The following TTC7A variants were observed in gnomAD, a reference collection of about 807,000 sequenced individuals.
TTC7A encodes tetratricopeptide repeat domain 7A, also known as tetratricopeptide repeat protein 7A.
In TTC7A, 110 loss-of-function variants were observed where a neutral mutation model predicts 103.7. The observed-to-expected ratio is 1.06, with a 90% CI of 0.91 to 1.24. TTC7A has a LOEUF of 1.24. Ranked by LOEUF, TTC7A falls within the 50% of genes most tolerant of loss-of-function variation. TTC7A has a pLI of 0.00. For synonymous variants in TTC7A, 521 were observed against 467.9 expected, an observed-to-expected ratio of 1.11 and a Z score of -1.47; for missense variants, 1,340 against 1,116.3, an observed-to-expected ratio of 1.20 and a Z score of -2.86.
rs1677488297 is a variant in TTC7A at position 47,007,032 on chromosome 2, G to A, written c.1287+308G>A. 6.6e-6 allele frequency among the ~76,000 whole-genome samples: 1 copy of A among 152,176 alleles called. No homozygotes were observed. The highest frequency in any genetic ancestry group is 2.4e-5 in the African/African-American group (1 of 41,436). On this transcript the variant is annotated intron_variant, in intron 10 of 19. Coordinates refer to ENST00000319190, the MANE Select transcript of TTC7A (RefSeq NM_020458.4). This position sits in a 1 kb window ranked among gnomAD's most constrained non-coding sequence, Gnocchi z 4.9. The stretch of plus-strand genomic sequence containing the variant: ...GCTAATAATGTGACTGCATGTGGTG[G>A]ATATGAGGTGCATCCAGGTGAGTGA...
In TTC7A at chr2:47,004,886, C is replaced by T. The variant is rs551873284; in HGVS notation, c.1066-1036C>T. Among the ~76,000 whole-genome samples, 6 of 152,110 alleles carry T rather than the reference C, an allele frequency of 3.9e-5. 1 individual carries two copies. Among genetic ancestry groups the T allele is most frequent in the African/African-American group, 1.4e-4 (6 of 41,490 alleles). On this transcript the variant is annotated intron_variant, in intron 8 of 19. Transcript: ENST00000319190. ...TCCCTTTCCACCTTTTGCCCCCAGC[C>T]TGCGTGTTGCCCCCAGGGTATAGAG...
Position 47,029,215 on chromosome 2 carries a change from C to G in TTC7A, c.1642-9C>G. 1 of 1,613,520 alleles carries G rather than the reference C, an allele frequency of 6.2e-7. No homozygotes were observed. Among genetic ancestry groups the G allele is most frequent in the African/African-American group, 1.3e-5 (1 of 75,052 alleles). On this transcript the variant is annotated splice_polypyrimidine_tract_variant and intron_variant, in intron 14 of 19. Coordinates refer to ENST00000319190, the MANE Select transcript of TTC7A (RefSeq NM_020458.4). ...TGGGGAAGGCTAACCTGGCGGGTTC[C>G]TTCAACAGATCTCCAGTGCCATGGA...
intron 6 of TTC7A, chr2:46,994,091 G>A (rs139469195): frequency 6.3e-4 from 289 of 458,570 alleles, no homozygotes; most frequent in Admixed American, 3.0e-3. Flanking sequence ...TCAGGAGAGG[G>A]AGGAAATGCT....
chr2:47,026,677 C>G (rs953662212), intron 14 of TTC7A, among the ~76,000 whole-genome samples: 1 of 101,310 alleles, frequency 9.9e-6, no homozygotes, highest in African/African-American at 4.8e-5. Context: ...TGTCCTATTC[C>G]TTAGTTTTCT....
chr2:46,974,979 C>T lies in TTC7A; in HGVS notation c.524C>T (p.Ser175Phe). Reference protein sequence around the residue: ...LSEAFVIKGLSLERLPNSIAS... With the variant: ...LSEAFVIKGLFLERLPNSIAS... ...CACCCTCTTCCTCCCGCAGGCCTCTCTCTGGAACGCCTACCCAACTCCATC... is the reference window on the plus strand; with the variant it reads ...CACCCTCTTCCTCCCGCAGGCCTCTTTCTGGAACGCCTACCCAACTCCATC... Residue 175 changes from serine to phenylalanine, a missense_variant, in exon 4 of 20, where the codon TCT becomes TTT. Coordinates refer to ENST00000319190, the MANE Select transcript of TTC7A (RefSeq NM_020458.4). The T allele has an allele frequency of 6.2e-7, 1 of 1,613,722 alleles. No homozygotes were observed. Among genetic ancestry groups the T allele is most frequent in the South Asian group, 1.1e-5 (1 of 91,062 alleles).
intron 15 of TTC7A, among the ~76,000 whole-genome samples, chr2:47,036,198 AGCCAGCTGCAGGGTAGGG>A (rs1681086047): frequency 6.6e-6 from 1 of 152,210 alleles, no homozygotes; most frequent in Non-Finnish European, 1.5e-5. Context: ...GTAACCCTGC[AGCCAGCTGCAGGGTAGGG>A]GCAGGCTGCT....
chr2:47,008,356 TC>T (rs576140108), intron 10 of TTC7A, among the ~76,000 whole-genome samples: 5 of 152,178 alleles, frequency 3.3e-5, no homozygotes, highest in Non-Finnish European at 7.4e-5. Context: ...CTAGACGCTC[TC>T]CAGGCTCAGT....
At chr2:46,940,042 C>T (rs1338684262), upstream of TTC7A, among the ~76,000 whole-genome samples, 1 of 152,144 alleles carries the variant, frequency 6.6e-6, no homozygotes, top group East Asian at 1.9e-4. The surrounding 1 kb of genome is among the most constrained non-coding windows in gnomAD (Gnocchi z 4.7). Flanking sequence ...GGAGGGCCTC[C>T]ACATGGGAGT....
chr2:47,046,689 G>C (rs952281302), intron 16 of TTC7A: 8 of 488,742 alleles, frequency 1.6e-5, no homozygotes, highest in Non-Finnish European at 2.9e-5. Flanking sequence ...TCATTCTTGA[G>C]CACTGGAGCT....
At chr2:47,014,518 C>T (rs1678428937) in intron 11 of TTC7A, among the ~76,000 whole-genome samples, 1 of 152,208 alleles carries the variant, frequency 6.6e-6, no homozygotes, top group Non-Finnish European at 1.5e-5. Flanking sequence ...GTTCCTGCCT[C>T]ACCATCCCTA....
upstream of TTC7A, chr2:46,941,055 G>T (rs1453062342): frequency 6.7e-6 from 1 of 149,664 alleles, no homozygotes; most frequent in African/African-American, 2.5e-5. This position sits in a 1 kb window ranked among gnomAD's most constrained non-coding sequence, Gnocchi z 4.2. Flanking sequence ...GCGGCGGCGG[G>T]GGGCGGGTAC....
chr2:46,960,269 CCT>C (rs1326591859), intron 3 of TTC7A, among the ~76,000 whole-genome samples: 1 of 152,182 alleles, frequency 6.6e-6, no homozygotes, highest in Admixed American at 6.5e-5. Flanking sequence ...TCAGTAATGC[CCT>C]GTTCTGTGGT....
chr2:47,070,665 C>T (rs1406548448), intron 19 of TTC7A, among the ~76,000 whole-genome samples: 2 of 152,102 alleles, frequency 1.3e-5, no homozygotes, highest in African/African-American at 4.8e-5. Context: ...GTCTCGAGCA[C>T]TTGAGATGTG....
intron 4 of TTC7A, among the ~76,000 whole-genome samples, chr2:46,977,169 C>G (rs554185878): frequency 6.6e-6 from 1 of 152,162 alleles, no homozygotes; most frequent in African/African-American, 2.4e-5. Flanking sequence ...TGTCAAAGGT[C>G]TGATGATGAT....
Position 46,941,829 on chromosome 2 carries a change from C to T in TTC7A, c.184+104C>T. 3 of 1,430,346 alleles carry T rather than the reference C, an allele frequency of 2.1e-6. No individual in the cohort carries two copies. Among genetic ancestry groups the T allele is most frequent in the South Asian group, 2.6e-5 (2 of 77,130 alleles). 88.6% of individuals were successfully genotyped at this position (1,430,346 alleles called of 1,614,324 possible). ...GTCCTCGGCCGACAGCGGGCGCCTGCCAGCCCACCGTGCTAGTCTTAAGAG... is the reference window on the plus strand; with the variant it reads ...GTCCTCGGCCGACAGCGGGCGCCTGTCAGCCCACCGTGCTAGTCTTAAGAG... On this transcript the variant is annotated intron_variant, in intron 1 of 19. Transcript: ENST00000319190. The surrounding 1 kb of genome is among the most constrained non-coding windows in gnomAD (Gnocchi z 4.2).
At chr2:46,978,528 A>G (rs1674101141) in intron 4 of TTC7A, among the ~76,000 whole-genome samples, 1 of 144,872 alleles carries the variant, frequency 6.9e-6, no homozygotes, top group Non-Finnish European at 1.5e-5. Flanking sequence ...GGAGTTTGAG[A>G]TCAGCCTGGG....
intron 3 of TTC7A, among the ~76,000 whole-genome samples, chr2:46,958,203 T>C (rs972316217): frequency 6.6e-6 from 1 of 152,132 alleles, no homozygotes; most frequent in African/African-American, 2.4e-5. Context: ...CCACCCAAGA[T>C]CCTTGGATCC....
In TTC7A at chr2:47,051,726, C is replaced by A; in HGVS notation, c.2018-20C>A. 6.2e-7 allele frequency: 1 copy of A among 1,603,372 alleles called. No homozygotes were observed. The highest frequency in any genetic ancestry group is 8.5e-7 in the Non-Finnish European group (1 of 1,174,814). ...GTGGACCTCTGACCACTGCTCGGCT[C>A]GTGCCCTCTTGCTCTGCAGGCTCCC... is the stretch of plus-strand genomic sequence containing the variant. On this transcript the variant is annotated intron_variant, in intron 17 of 19. Coordinates refer to ENST00000319190, the MANE Select transcript of TTC7A (RefSeq NM_020458.4).
rs151084206 is a variant in TTC7A at position 46,995,037 on chromosome 2, G to T, written c.1002-99G>T. 2.9e-4 allele frequency: 317 copies of T among 1,102,832 alleles called. No homozygotes were observed. The African/African-American group carries it at 4.4e-3, about 15-fold the overall frequency. 68.3% of individuals were successfully genotyped at this position (1,102,832 alleles called of 1,614,324 possible). Reference sequence around the variant, plus strand: ...ATGCAGGAAGAGGTCACCTTACCGAGCTGGTGCTGACTCTGGGGCAGAAGG... The same window carrying T: ...ATGCAGGAAGAGGTCACCTTACCGATCTGGTGCTGACTCTGGGGCAGAAGG... On this transcript the variant is annotated intron_variant, in intron 7 of 19. Coordinates refer to ENST00000319190, the MANE Select transcript of TTC7A (RefSeq NM_020458.4).
Sources: allele counts gnomAD v4.1 joint callset (sites outside exome capture counted in the v4.1 genomes callset), GRCh38; gene constraint gnomAD v4.1.1; non-coding constraint Gnocchi (gnomAD v3.1); transcripts MANE v1.5; gene names NCBI Gene and HGNC (gene_info 2026-07-23, HGNC 2026-07-21).